The following MAST2 variants were observed in gnomAD, a reference collection of about 807,000 sequenced individuals.
The protein encoded by MAST2 is microtubule-associated serine/threonine-protein kinase 2.
Under a neutral mutation model 147.4 loss-of-function variants are expected in MAST2, and 70 were observed. The ratio of observed to expected loss-of-function variants is 0.47; its 90% CI spans 0.39 to 0.58. The LOEUF (loss-of-function observed/expected upper bound fraction) is 0.58, where lower values mean the gene tolerates loss of function less well. MAST2 is among the 20% of genes least tolerant of loss of function. The pLI, the probability that MAST2 is intolerant of heterozygous loss-of-function variation, is 0.00. For synonymous variants in MAST2, 869 were observed against 896.8 expected (o/e 0.97, Z 0.55); for missense variants, 2,080 against 2,302.3 (o/e 0.90, Z 1.98).
chr1:45,972,139 C>T lies in MAST2; in HGVS notation c.592+12662C>T, dbSNP rs564997254. Among the ~76,000 whole-genome samples the T allele has an allele frequency of 5.3e-4, 81 of 152,308 alleles. No individual in the cohort carries two copies. The South Asian group carries it at 0.011, about 21-fold the overall frequency. ...AATGCCAGCCGTCAGTAGGAGTCCACAGACCTCGGCCCACTGCATCTTCTT... is the reference window on the plus strand; with the variant it reads ...AATGCCAGCCGTCAGTAGGAGTCCATAGACCTCGGCCCACTGCATCTTCTT... On this transcript the variant is annotated intron_variant, in intron 5 of 28. Transcript: ENST00000361297.
At chr1:45,816,484 A>G (rs1017119930) in intron 1 of MAST2, among the ~76,000 whole-genome samples, 2 of 152,150 alleles carry the variant, frequency 1.3e-5, no homozygotes, top group Admixed American at 1.3e-4. Flanking sequence ...CAAAATACCC[A>G]TTTTGAGGAA....
At chr1:45,954,378 A>G (rs1211004619) in intron 4 of MAST2, among the ~76,000 whole-genome samples, 1 of 152,230 alleles carries the variant, frequency 6.6e-6, no homozygotes. Flanking sequence ...ACATTGTCAC[A>G]GAGAATGCAC....
intron 10 of MAST2, among the ~76,000 whole-genome samples, chr1:46,019,120 G>A (rs1646078826): frequency 6.6e-6 from 1 of 152,080 alleles, no homozygotes; most frequent in Non-Finnish European, 1.5e-5. Flanking sequence ...TGAATTATTA[G>A]AGTTGCCTGC....
chr1:46,006,379 C>G lies in MAST2; in HGVS notation c.886C>G (p.Arg296Gly), dbSNP rs748189401. ...ACGGCAGTCCCCAGCCATGCGGCCT[C>G]GCTCCCGGAGCCTCAGGTGAGGGTG... ...EGRQSPAMRPRSRSLSPGRSP... is the reference protein window; with the variant it reads ...EGRQSPAMRPGSRSLSPGRSP... The change falls in exon 8 of 29, where the codon CGC (arginine) becomes GGC (glycine). Residue 296 changes from arginine to glycine, a missense_variant. By Grantham distance (125) the Arg-to-Gly change is moderately radical. Around this residue, in one of 4 missense-constraint regions of MAST2, gnomAD observed 569 missense variants for 642.5 expected, o/e 0.89. Coordinates refer to ENST00000361297, the MANE Select transcript of MAST2 (RefSeq NM_015112.3). 6.2e-7 allele frequency: 1 copy of G among 1,612,938 alleles called. No homozygotes were observed. Among genetic ancestry groups the G allele is most frequent in the East Asian group, 2.2e-5 (1 of 44,862 alleles).
chr1:45,848,081 A>G (rs1451932437), intron 3 of MAST2, among the ~76,000 whole-genome samples: 2 of 152,134 alleles, frequency 1.3e-5, no homozygotes, highest in Admixed American at 1.3e-4. Flanking sequence ...CATTTTTGCA[A>G]TATGTCTTAT....
chr1:45,852,054 G>T (rs1051630344), intron 3 of MAST2, among the ~76,000 whole-genome samples: 1 of 152,030 alleles, frequency 6.6e-6, no homozygotes, highest in Admixed American at 6.5e-5. Flanking sequence ...TTCACCAATA[G>T]TGTCATCTTA....
intron 6 of MAST2, chr1:46,001,091 C>A: frequency 1.2e-6 from 1 of 842,720 alleles, no homozygotes; most frequent in Non-Finnish European, 1.7e-6. Flanking sequence ...TCTTCTCTGA[C>A]TGTGGGTATG....
At chr1:45,807,616 A>C (rs569273037) in intron 1 of MAST2, among the ~76,000 whole-genome samples, 1 of 150,500 alleles carries the variant, frequency 6.6e-6, no homozygotes, top group Non-Finnish European at 1.5e-5. Flanking sequence ...ACCTCAGCTC[A>C]CTGCAACCTT....
intron 3 of MAST2, among the ~76,000 whole-genome samples, chr1:45,831,825 G>A (rs1644967073): frequency 6.7e-6 from 1 of 149,756 alleles, no homozygotes; most frequent in Non-Finnish European, 1.5e-5. Context: ...TGTCACCCAG[G>A]CTGGAGTGTA....
At chr1:45,921,333 T>C (rs1653442621) in intron 4 of MAST2, among the ~76,000 whole-genome samples, 1 of 152,124 alleles carries the variant, frequency 6.6e-6, no homozygotes, top group Admixed American at 6.5e-5. Flanking sequence ...TGTTACGGGA[T>C]CCTGGGAGGT....
At chr1:45,927,464 C>T (rs561312471) in intron 4 of MAST2, among the ~76,000 whole-genome samples, 6 of 152,238 alleles carry the variant, frequency 3.9e-5, no homozygotes, top group East Asian at 1.9e-4. Context: ...TACCTCCAGG[C>T]GCGTATTCTC....
chr1:45,910,114 T>TG (rs1329049742), intron 4 of MAST2, among the ~76,000 whole-genome samples: 51 of 150,176 alleles, frequency 3.4e-4, no homozygotes, highest in Admixed American at 2.8e-3. Flanking sequence ...GTGCAGTTGT[T>TG]TTTTTTTTTT....
intron 5 of MAST2, among the ~76,000 whole-genome samples, chr1:45,988,154 A>C (rs531586469): frequency 1.3e-5 from 2 of 152,198 alleles, no homozygotes; most frequent in African/African-American, 4.8e-5. Context: ...CTGGGACCAC[A>C]GTTGCCTGCC....
chr1:45,918,175 G>A (rs1652868004), intron 4 of MAST2, among the ~76,000 whole-genome samples: 1 of 152,164 alleles, frequency 6.6e-6, no homozygotes, highest in South Asian at 2.1e-4. Flanking sequence ...TAGAGGCCAG[G>A]GCTTGACATT....
At chr1:45,988,930 A>C (rs1453350193) in intron 5 of MAST2, among the ~76,000 whole-genome samples, 1 of 152,138 alleles carries the variant, frequency 6.6e-6, no homozygotes, top group Non-Finnish European at 1.5e-5. Flanking sequence ...CCAGTCCTAG[A>C]ATCAGCCGTT....
intron 3 of MAST2, among the ~76,000 whole-genome samples, chr1:45,856,292 T>A (rs956059052): frequency 5.9e-5 from 9 of 152,186 alleles, no homozygotes; most frequent in African/African-American, 2.2e-4. Flanking sequence ...ATATCCCGTA[T>A]CTAAAAATAA....
intron 7 of MAST2, among the ~76,000 whole-genome samples, chr1:46,004,744 G>C (rs1645416292): frequency 6.6e-6 from 1 of 152,220 alleles, no homozygotes; most frequent in Non-Finnish European, 1.5e-5. Context: ...TGTGACAACA[G>C]AGTTATCTCA....
chr1:45,813,606 C>T (rs1207240420), intron 1 of MAST2, among the ~76,000 whole-genome samples: 2 of 151,088 alleles, frequency 1.3e-5, no homozygotes, highest in African/African-American at 4.9e-5. Context: ...TCAAACAATT[C>T]TTCTGCCTCA....
At chr1:45,915,140 C>T (rs1325159505) in intron 4 of MAST2, among the ~76,000 whole-genome samples, 1 of 152,122 alleles carries the variant, frequency 6.6e-6, no homozygotes, top group African/African-American at 2.4e-5. Flanking sequence ...CTATGTTGCT[C>T]AGGCTGGTCT....
Sources: allele counts gnomAD v4.1 joint callset (sites outside exome capture counted in the v4.1 genomes callset), GRCh38; gene constraint gnomAD v4.1.1; regional missense constraint gnomAD v4.1.1; transcripts MANE v1.5; gene names NCBI Gene and HGNC (gene_info 2026-07-23, HGNC 2026-07-21).